The following IGF1 variants were observed in gnomAD, a reference collection of about 807,000 sequenced individuals.
IGF1 encodes the protein insulin-like growth factor 1.
Under a neutral mutation model 13.8 loss-of-function variants are expected in IGF1, and 4 were observed. The ratio of observed to expected loss-of-function variants is 0.29; its 90% CI spans 0.14 to 0.66. The LOEUF is 0.66. Among genes scored for constraint, IGF1 ranks in the 30% least tolerant of loss-of-function variants. The pLI is 0.78. For missense variants in IGF1, 124 were observed against 188.5 expected, an observed-to-expected ratio of 0.66 and a Z score of 2.00; for synonymous variants, 76 against 72.6, an observed-to-expected ratio of 1.05 and a Z score of -0.23.
intron 1 of IGF1, chr12:102,478,548 G>C (rs1299800420): frequency 1.9e-6 from 3 of 1,607,650 alleles, no homozygotes; most frequent in Non-Finnish European, 2.5e-6. Context: ...TGGGTATTAT[G>C]AGGCCGATGT....
In IGF1 at chr12:102,402,468, G is replaced by A. The variant is rs1873763546; in HGVS notation, c.*39C>T. ...TAACTCGTGCAGAGCAAAGGATCCT[G>A]CGGTGGCATGTCACTCTTCACTCCT... On this transcript the variant is annotated 3_prime_UTR_variant, in exon 4 of 4. Coordinates refer to ENST00000337514, the MANE Select transcript of IGF1 (RefSeq NM_000618.5). 1.3e-6 allele frequency: 1 copy of A among 780,660 alleles called. No individual in the cohort carries two copies. Among genetic ancestry groups the A allele is most frequent in the African/African-American group, 1.7e-5 (1 of 59,218 alleles). 48.4% of individuals were successfully genotyped at this position (780,660 alleles called of 1,614,324 possible). A position where few individuals can be genotyped will look rare whatever the true frequency, so the allele number is the denominator to read the frequency against.
intron 1 of IGF1, chr12:102,478,531 G>A (rs771661628): frequency 6.2e-7 from 1 of 1,610,758 alleles, no homozygotes; most frequent in Admixed American, 1.7e-5. Flanking sequence ...TTTACAGCAG[G>A]TCAGGGTGGG....
chr12:102,439,534 A>G (rs1877528369), intron 2 of IGF1, among the ~76,000 whole-genome samples: 2 of 152,196 alleles, frequency 1.3e-5, no homozygotes, highest in African/African-American at 4.8e-5. Context: ...GTGAGCAGGA[A>G]AGTACTACAA....
At chr12:102,404,940 GT>G (rs1289474718) in intron 3 of IGF1, among the ~76,000 whole-genome samples, 1 of 151,684 alleles carries the variant, frequency 6.6e-6, no homozygotes, top group African/African-American at 2.4e-5. Flanking sequence ...GTACTTTTTA[GT>G]AGAGATGGGG....
chr12:102,472,823 G>T (rs1002446933), intron 2 of IGF1, among the ~76,000 whole-genome samples: 1 of 152,138 alleles, frequency 6.6e-6, no homozygotes, highest in African/African-American at 2.4e-5. Flanking sequence ...CATCAATGTA[G>T]CCTGGGGATG....
chr12:102,472,330 G>A (rs1270648433), intron 2 of IGF1, among the ~76,000 whole-genome samples: 2 of 151,996 alleles, frequency 1.3e-5, no homozygotes, highest in African/African-American at 4.8e-5. Flanking sequence ...GGGCTTGAAG[G>A]GGAATATGAG....
chr12:102,409,322 T>A (rs1437440664), intron 3 of IGF1, among the ~76,000 whole-genome samples: 1 of 152,240 alleles, frequency 6.6e-6, no homozygotes, highest in Non-Finnish European at 1.5e-5. Context: ...GAGTAAATTC[T>A]GCATGTTTGT....
chr12:102,413,959 C>T (rs1874868844), intron 3 of IGF1, among the ~76,000 whole-genome samples: 1 of 152,182 alleles, frequency 6.6e-6, no homozygotes. Flanking sequence ...TGAAACTCTA[C>T]TACCACATCA....
At chr12:102,428,613 G>A (rs1411211122) in intron 2 of IGF1, among the ~76,000 whole-genome samples, 2 of 152,182 alleles carry the variant, frequency 1.3e-5, no homozygotes, top group Admixed American at 1.3e-4. Context: ...ACTCAGAAAT[G>A]AGAATTAGTA....
At chr12:102,442,510 G>T (rs143012977) in intron 2 of IGF1, among the ~76,000 whole-genome samples, 51 of 152,128 alleles carry the variant, frequency 3.4e-4, no homozygotes, top group African/African-American at 1.1e-3. Flanking sequence ...AAGTGAAAAG[G>T]CATGCTCTTT....
chr12:102,459,373 G>A (rs1879712290), intron 2 of IGF1, among the ~76,000 whole-genome samples: 1 of 152,158 alleles, frequency 6.6e-6, no homozygotes, highest in Admixed American at 6.5e-5. Flanking sequence ...TGGGACGGCT[G>A]GCCTCAAGCA....
intron 2 of IGF1, among the ~76,000 whole-genome samples, chr12:102,466,604 G>A (rs965348315): frequency 1.3e-5 from 2 of 152,040 alleles, no homozygotes; most frequent in African/African-American, 2.4e-5. Flanking sequence ...TGAGAATAAG[G>A]TAAGATTTTA....
intron 2 of IGF1, among the ~76,000 whole-genome samples, chr12:102,448,691 A>AC (rs1878595995): frequency 2.1e-3 from 9 of 4,268 alleles, no homozygotes; most frequent in South Asian, 5.6e-3. Context: ...GAGTATAATA[A>AC]AAAAAAAAAA....
intron 1 of IGF1, among the ~76,000 whole-genome samples, chr12:102,476,995 G>A (rs771788043): frequency 1.4e-4 from 21 of 152,318 alleles, no homozygotes; most frequent in Non-Finnish European, 2.6e-4. Context: ...CATGGGAAGA[G>A]TCCCTGACAG....
At chr12:102,481,625 T>C (rs1881393734), upstream of IGF1, 1 of 152,160 alleles carries the variant, frequency 6.6e-6, no homozygotes, top group Non-Finnish European at 1.5e-5. Context: ...TTTGTACCTA[T>C]TTCCCTTTGG....
chr12:102,402,208 C>T lies in IGF1; in HGVS notation c.*299G>A, dbSNP rs979903251. On this transcript the variant is annotated 3_prime_UTR_variant, in exon 4 of 4. Transcript: ENST00000337514. ...ATACAACACCCATGCATTTGTGGCTCTTGAGAGGCAGGGACTAAGATATAT... is the reference window on the plus strand; with the variant it reads ...ATACAACACCCATGCATTTGTGGCTTTTGAGAGGCAGGGACTAAGATATAT... 7 of 186,972 alleles carry T rather than the reference C, an allele frequency of 3.7e-5. No individual in the cohort carries two copies. The highest frequency in any genetic ancestry group is 5.6e-5 in the Admixed American group (1 of 17,790). 11.6% of individuals were successfully genotyped at this position (186,972 alleles called of 1,614,324 possible). A position where few individuals can be genotyped will look rare whatever the true frequency, so the allele number is the denominator to read the frequency against.
chr12:102,436,692 C>CA lies in IGF1; in HGVS notation c.221-17003dup, dbSNP rs201581744. Among the ~76,000 whole-genome samples, 872 of 148,328 alleles carry CA rather than the reference C, an allele frequency of 5.9e-3. 5 individuals carry two copies. Among genetic ancestry groups the CA allele is most frequent in the African/African-American group, 0.02 (795 of 40,526 alleles). ...ACAAAGCAGAGGACATTTAATTTTG[C>CA]AAAAAAAAAATTATAATTTTTTATT... On this transcript the variant is annotated intron_variant, in intron 2 of 3. Coordinates refer to ENST00000337514, the MANE Select transcript of IGF1 (RefSeq NM_000618.5).
chr12:102,444,120 C>T (rs1395590442), intron 2 of IGF1, among the ~76,000 whole-genome samples: 1 of 152,046 alleles, frequency 6.6e-6, no homozygotes, highest in Non-Finnish European at 1.5e-5. Context: ...AGCCACCACG[C>T]CCGGCTGAAG....
intron 2 of IGF1, among the ~76,000 whole-genome samples, chr12:102,432,103 C>A (rs913297066): frequency 6.6e-6 from 1 of 152,190 alleles, no homozygotes; most frequent in Admixed American, 6.5e-5. Flanking sequence ...TGTTTCTCAT[C>A]CAGATACATA....
Sources: allele counts gnomAD v4.1 joint callset (sites outside exome capture counted in the v4.1 genomes callset), GRCh38; gene constraint gnomAD v4.1.1; transcripts MANE v1.5; gene names NCBI Gene and HGNC (gene_info 2026-07-23, HGNC 2026-07-21).